Variants in CELF4 observed in about 807,000 individuals in gnomAD.
CELF4 encodes CUG-BP- and ETR-3-like factor 4.
In CELF4, 18 loss-of-function variants were observed where a neutral mutation model predicts 59.9. That is an observed-to-expected ratio of 0.30 (90% CI 0.21 to 0.45). The LOEUF (loss-of-function observed/expected upper bound fraction) is 0.45, where lower values mean the gene tolerates loss of function less well. Ranked by LOEUF, CELF4 falls within the 20% of genes least tolerant of loss-of-function variation. The pLI, the probability that CELF4 is intolerant of heterozygous loss-of-function variation, is 1.00. For synonymous variants in CELF4, 261 were observed against 267.1 expected (o/e 0.98, Z 0.22); for missense variants, 456 against 689.0 (o/e 0.66, Z 3.79).
chr18:37,271,701 C>T (rs908525270), intron 7 of CELF4, among the ~76,000 whole-genome samples: 15 of 152,140 alleles, frequency 9.9e-5, no homozygotes, highest in Non-Finnish European at 4.4e-5. Context: ...GGCCTTCTCT[C>T]GTACTGAGGC....
At chr18:37,252,245 A>T (rs1017559004) in intron 12 of CELF4, among the ~76,000 whole-genome samples, 1 of 152,144 alleles carries the variant, frequency 6.6e-6, no homozygotes, top group African/African-American at 2.4e-5. Context: ...GACTTGGGCC[A>T]AAAGCCTGGG....
At chr18:37,433,195 A>T (rs1448081440) in intron 2 of CELF4, among the ~76,000 whole-genome samples, 2 of 152,166 alleles carry the variant, frequency 1.3e-5, no homozygotes, top group Admixed American at 1.3e-4. Context: ...CTGTGTCCCT[A>T]GGAACGTGAG....
chr18:37,417,416 G>A (rs773000110), intron 2 of CELF4, among the ~76,000 whole-genome samples: 25 of 152,174 alleles, frequency 1.6e-4, no homozygotes, highest in African/African-American at 5.6e-4. Context: ...CAATTTCTCC[G>A]ACTTAACCTG....
chr18:37,337,855 A>T (rs1033688739), intron 2 of CELF4, among the ~76,000 whole-genome samples: 7 of 152,230 alleles, frequency 4.6e-5, no homozygotes, highest in African/African-American at 9.6e-5. Flanking sequence ...CTTCTAGAAA[A>T]GTTGTGAAGC....
chr18:37,444,276 T>TC (rs1168521633), intron 2 of CELF4, among the ~76,000 whole-genome samples: 1 of 151,498 alleles, frequency 6.6e-6, no homozygotes, highest in Non-Finnish European at 1.5e-5. Flanking sequence ...TAGGGGTGGA[T>TC]CCCCCCTAGC....
intron 9 of CELF4, among the ~76,000 whole-genome samples, chr18:37,265,757 C>G (rs1331753250): frequency 2.0e-5 from 3 of 152,186 alleles, no homozygotes; most frequent in Non-Finnish European, 4.4e-5. Context: ...TGTGCCAGGC[C>G]AGCTTCACCT....
chr18:37,306,148 C>G (rs2096387016), intron 3 of CELF4: 1 of 152,238 alleles, frequency 6.6e-6, no homozygotes, highest in Non-Finnish European at 1.5e-5. Context: ...GGTGGGGGGC[C>G]AGGGCCTCAG....
intron 2 of CELF4, among the ~76,000 whole-genome samples, chr18:37,369,262 C>T (rs1259043720): frequency 2.0e-5 from 3 of 152,072 alleles, no homozygotes; most frequent in Non-Finnish European, 2.9e-5. Flanking sequence ...GGGTGGGCAG[C>T]GGGAGGCTGG....
intron 3 of CELF4, among the ~76,000 whole-genome samples, chr18:37,311,100 C>A (rs984194908): frequency 3.3e-5 from 5 of 152,182 alleles, no homozygotes; most frequent in Non-Finnish European, 5.9e-5. Flanking sequence ...GCCGGGGCCA[C>A]AGGGAATTTG....
Position 37,565,734 on chromosome 18 carries a change from C to G in CELF4, c.-93G>C. ...GCGCTCACACACGCACACGCATACA[C>G]ACACTCGGGTTCTCTCCCCCTCGGT... On this transcript the variant is annotated 5_prime_UTR_variant, in exon 1 of 13. Transcript: ENST00000420428. 1.8e-6 allele frequency: 2 copies of G among 1,087,540 alleles called. No homozygotes were observed. The highest frequency in any genetic ancestry group is 2.6e-6 in the Non-Finnish European group (2 of 782,310). The allele number at this position is 1,087,540 out of a possible 1,614,324, so 67.4% of individuals were successfully genotyped here.
rs143182438 is a variant in CELF4, at chr18:37,442,103, G to T, written c.369+43422C>A. Among the ~76,000 whole-genome samples, 94 of 152,318 alleles carry T rather than the reference G, an allele frequency of 6.2e-4. No individual in the cohort carries two copies. The East Asian group carries it at 0.014, about 23-fold the overall frequency. ...CTCCTGCTGGCACAAAGCTGGGCCT[G>T]GCCAGACTTGTGGACAAAGGATGAA... On this transcript the variant is annotated intron_variant, in intron 2 of 12. Transcript: ENST00000420428.
intron 1 of CELF4, among the ~76,000 whole-genome samples, chr18:37,549,174 CTTTA>C (rs1317139102): frequency 6.6e-6 from 1 of 152,216 alleles, no homozygotes; most frequent in Non-Finnish European, 1.5e-5. Context: ...TCATCACTCA[CTTTA>C]TTTAAAGGAT....
At chr18:37,400,304 T>G (rs968103749) in intron 2 of CELF4, among the ~76,000 whole-genome samples, 1 of 140,220 alleles carries the variant, frequency 7.1e-6, no homozygotes, top group African/African-American at 2.7e-5. Flanking sequence ...TAATAAACCT[T>G]TATATATGTG....
chr18:37,438,684 T>A (rs553641455), intron 2 of CELF4, among the ~76,000 whole-genome samples: 1 of 152,204 alleles, frequency 6.6e-6, no homozygotes. Context: ...ACACATCGTG[T>A]GGCTGTGGTT....
At chr18:37,365,135 G>A (rs2098758971) in intron 2 of CELF4, among the ~76,000 whole-genome samples, 1 of 152,156 alleles carries the variant, frequency 6.6e-6, no homozygotes, top group African/African-American at 2.4e-5. Flanking sequence ...GAGCAAAAGG[G>A]ACTTTAAAGG....
At chr18:37,438,853 AT>A (rs905947922) in intron 2 of CELF4, among the ~76,000 whole-genome samples, 20 of 151,364 alleles carry the variant, frequency 1.3e-4, no homozygotes, top group African/African-American at 3.6e-4. Flanking sequence ...GGCTGCTTGC[AT>A]TTTTTTTTCT....
chr18:37,284,572 G>A (rs1381377495), intron 3 of CELF4, among the ~76,000 whole-genome samples: 2 of 152,072 alleles, frequency 1.3e-5, no homozygotes, highest in Non-Finnish European at 2.9e-5. Flanking sequence ...GAGCCTGAAG[G>A]ACCCAACTCC....
At chr18:37,483,781 T>A (rs1158252852) in intron 2 of CELF4, among the ~76,000 whole-genome samples, 1 of 152,244 alleles carries the variant, frequency 6.6e-6, no homozygotes, top group African/African-American at 2.4e-5. Context: ...GACAGTGATA[T>A]TGATTGCTTC....
At chr18:37,499,194 G>A (rs896024710) in intron 1 of CELF4, among the ~76,000 whole-genome samples, 1 of 152,192 alleles carries the variant, frequency 6.6e-6, no homozygotes, top group African/African-American at 2.4e-5. Flanking sequence ...TGCTTAGAGA[G>A]TCTAGGATGC....
Sources: allele counts gnomAD v4.1 joint callset (sites outside exome capture counted in the v4.1 genomes callset), GRCh38; gene constraint gnomAD v4.1.1; transcripts MANE v1.5; gene names NCBI Gene and HGNC (gene_info 2026-07-23, HGNC 2026-07-21).